KAZN: variants seen among roughly 807,000 people sequenced by gnomAD.
The protein encoded by KAZN is kazrin.
In KAZN, 40 loss-of-function variants were observed where a neutral mutation model predicts 87.4. The observed-to-expected ratio is 0.46, with a 90% confidence interval of 0.36 to 0.60. The LOEUF is 0.60. KAZN is among the 20% of genes least tolerant of loss of function. The pLI is 0.00. For missense variants in KAZN, 898 were observed against 1,073.9 expected, an observed-to-expected ratio of 0.84 and a Z score of 2.29; for synonymous variants, 466 against 458.3, an observed-to-expected ratio of 1.02 and a Z score of -0.22.
At chr1:14,536,001 G>C (rs941980283) in intron 2 of KAZN, among the ~76,000 whole-genome samples, 2 of 152,206 alleles carry the variant, frequency 1.3e-5, no homozygotes, top group South Asian at 4.1e-4. Context: ...GGCAGCCAAA[G>C]CAATCTCTTA....
rs552147236 is a variant in KAZN at position 14,969,340 on chromosome 1, T to C, written c.418+8465T>C. On this transcript the variant is annotated intron_variant, in intron 2 of 14. Transcript: ENST00000376030. ...CCATCAAAGACGTGTTCATCTTCTATGCAGTTCATCACCTGGGGTTGAATG... is the reference window on the plus strand; with the variant it reads ...CCATCAAAGACGTGTTCATCTTCTACGCAGTTCATCACCTGGGGTTGAATG... Among the ~76,000 whole-genome samples, 5 of 152,384 alleles carry C rather than the reference T, an allele frequency of 3.3e-5. No individual in the cohort carries two copies. The East Asian group carries it at 9.6e-4, about 29-fold the overall frequency.
At chr1:14,759,105 T>TTGGCCTA (rs1312525660) in intron 1 of KAZN, among the ~76,000 whole-genome samples, 3 of 152,136 alleles carry the variant, frequency 2.0e-5, no homozygotes, top group African/African-American at 7.2e-5. Context: ...ACTTTGGGCT[T>TTGGCCTA]TGGCCTAGTT....
chr1:14,696,827 A>C (rs538308910), intron 1 of KAZN, among the ~76,000 whole-genome samples: 1 of 152,170 alleles, frequency 6.6e-6, no homozygotes, highest in Non-Finnish European at 1.5e-5. Flanking sequence ...GGCATTGATG[A>C]GGTCAACCAG....
chr1:14,297,354 G>A (rs1173628330), intron 2 of KAZN, among the ~76,000 whole-genome samples: 1 of 152,204 alleles, frequency 6.6e-6, no homozygotes, highest in East Asian at 1.9e-4. Context: ...TATCAGAAAA[G>A]CAAAAACTGA....
At chr1:14,350,718 A>G (rs1658475060) in intron 2 of KAZN, among the ~76,000 whole-genome samples, 1 of 152,222 alleles carries the variant, frequency 6.6e-6, no homozygotes, top group African/African-American at 2.4e-5. Context: ...CCAAGGGTCT[A>G]CTTCACAGAA....
chr1:13,954,932 T>TAC (rs1641486891), intron 1 of KAZN, among the ~76,000 whole-genome samples: 1 of 152,242 alleles, frequency 6.6e-6, no homozygotes, highest in African/African-American at 2.4e-5. Context: ...AAGTATAAAT[T>TAC]GTGTAAAGAC....
chr1:14,081,534 C>A (rs1382257344), intron 1 of KAZN, among the ~76,000 whole-genome samples: 1 of 151,790 alleles, frequency 6.6e-6, no homozygotes, highest in Non-Finnish European at 1.5e-5. Flanking sequence ...TTTGCAATAG[C>A]CAAAAGAATA....
At chr1:13,905,821 T>TCC (rs1639416149) in intron 1 of KAZN, among the ~76,000 whole-genome samples, 1 of 152,258 alleles carries the variant, frequency 6.6e-6, no homozygotes, top group Non-Finnish European at 1.5e-5. Context: ...ATAGCCATTA[T>TCC]AACAAATTAC....
At chr1:14,566,580 G>C (rs1011620862) in intron 2 of KAZN, among the ~76,000 whole-genome samples, 22 of 152,294 alleles carry the variant, frequency 1.4e-4, no homozygotes, top group Admixed American at 1.3e-3. Context: ...GAAAATCCTA[G>C]ATGACATATT....
At chr1:14,959,820 G>C (rs975503409) in intron 1 of KAZN, among the ~76,000 whole-genome samples, 1 of 152,146 alleles carries the variant, frequency 6.6e-6, no homozygotes, top group Non-Finnish European at 1.5e-5. Context: ...TCCGCCCGCA[G>C]GACTGAGAAG....
At position 14,995,168 on chromosome 1, in the gene KAZN, G is replaced by A. The variant is rs72855830; in HGVS notation, c.418+34293G>A. Among the ~76,000 whole-genome samples the A allele has an allele frequency of 7.5e-3, 1,138 of 152,322 alleles. 15 individuals are homozygous for A. The highest frequency in any genetic ancestry group is 0.026 in the African/African-American group (1,070 of 41,578). On this transcript the variant is annotated intron_variant, in intron 2 of 14. Transcript: ENST00000376030. ...TAAAACGAGGCCTGAGCTCTGGGCAGTGCCCTCAGTTACATACCTGCTGTG... is the reference window on the plus strand; with the variant it reads ...TAAAACGAGGCCTGAGCTCTGGGCAATGCCCTCAGTTACATACCTGCTGTG...
intron 2 of KAZN, among the ~76,000 whole-genome samples, chr1:14,378,450 G>C (rs2101039965): frequency 6.6e-6 from 1 of 152,308 alleles, no homozygotes; most frequent in African/African-American, 2.4e-5. Flanking sequence ...CCAGTTCCTG[G>C]TTTTAACTTT....
chr1:14,289,014 A>G (rs1653475131), intron 2 of KAZN, among the ~76,000 whole-genome samples: 1 of 152,178 alleles, frequency 6.6e-6, no homozygotes, highest in African/African-American at 2.4e-5. Flanking sequence ...CTTAATCCTG[A>G]GTTCTAATTT....
chr1:14,005,587 T>A (rs1218017374), intron 1 of KAZN, among the ~76,000 whole-genome samples: 3 of 152,148 alleles, frequency 2.0e-5, no homozygotes, highest in Admixed American at 6.5e-5. Context: ...GAAGACATAA[T>A]CTGTTAATAA....
At chr1:14,700,349 G>A (rs1192131290) in intron 1 of KAZN, among the ~76,000 whole-genome samples, 1 of 152,036 alleles carries the variant, frequency 6.6e-6, no homozygotes, top group Non-Finnish European at 1.5e-5. Flanking sequence ...GTGTGCGCCT[G>A]TAATCCCAGC....
At chr1:14,715,091 C>T (rs150522104) in intron 1 of KAZN, among the ~76,000 whole-genome samples, 5 of 151,970 alleles carry the variant, frequency 3.3e-5, no homozygotes, top group African/African-American at 7.2e-5. Flanking sequence ...CCACCATACC[C>T]GGCTAACTTG....
intron 2 of KAZN, among the ~76,000 whole-genome samples, chr1:14,421,178 C>T (rs934254891): frequency 6.6e-6 from 1 of 152,214 alleles, no homozygotes; most frequent in Non-Finnish European, 1.5e-5. Context: ...CAATTTGTAT[C>T]AATGATAAAT....
chr1:14,227,831 C>T (rs996763901), intron 2 of KAZN, among the ~76,000 whole-genome samples: 2 of 152,162 alleles, frequency 1.3e-5, no homozygotes, highest in African/African-American at 2.4e-5. Flanking sequence ...CGTATTAAAA[C>T]CTTGTAAACA....
In KAZN at chr1:14,663,713, T is replaced by G. The variant is rs182486436; in HGVS notation, c.226+64490T>G. On this transcript the variant is annotated intron_variant, in intron 1 of 14. Coordinates refer to ENST00000376030, the MANE Select transcript of KAZN (RefSeq NM_201628.3). ...AAACACTGGAATCTTTGTGCACCGT[T>G]GGTGGGAAAGGAAAATGATGCAGTT... Among the ~76,000 whole-genome samples, 379 of 152,320 alleles carry G rather than the reference T, an allele frequency of 2.5e-3. 2 individuals carry two copies. The highest frequency in any genetic ancestry group is 8.9e-3 in the African/African-American group (368 of 41,574).
Sources: allele counts gnomAD v4.1 joint callset (sites outside exome capture counted in the v4.1 genomes callset), GRCh38; gene constraint gnomAD v4.1.1; transcripts MANE v1.5; gene names NCBI Gene and HGNC (gene_info 2026-07-23, HGNC 2026-07-21).